The following GGT7 variants were observed in gnomAD, a reference collection of about 807,000 sequenced individuals.
GGT7 encodes glutathione hydrolase 7.
A neutral mutation model predicts 69.2 loss-of-function variants in GGT7; 30 were observed. The ratio of observed to expected loss-of-function variants is 0.43; its 90% CI spans 0.32 to 0.59. The LOEUF is 0.59. Among genes scored for constraint, GGT7 ranks in the 20% least tolerant of loss-of-function variants. The probability of loss-of-function intolerance (pLI) is 0.05; values close to 1 mark genes in which losing one functional copy is unlikely to be tolerated. For synonymous variants in GGT7, 388 were observed against 391.8 expected (o/e 0.99, Z 0.12); for missense variants, 733 against 901.1 (o/e 0.81, Z 2.39).
Position 34,856,885 on chromosome 20 carries a change from G to T in GGT7, c.1023C>A (p.His341Gln). The change falls in exon 8 of 15, where the codon CAC becomes CAA. Residue 341 changes from histidine (H) to glutamine (Q), a missense_variant. Coordinates refer to ENST00000336431, the MANE Select transcript of GGT7 (RefSeq NM_178026.3). ...LTLEMVAEAQHAGGVITEEDF... is the reference protein window; with the variant it reads ...LTLEMVAEAQQAGGVITEEDF... ...CCTCTTCGGTTATGACACCCCCTGCGTGCTGAGCCTGGAGGGAAGAGAATG... is the reference window on the plus strand; with the variant it reads ...CCTCTTCGGTTATGACACCCCCTGCTTGCTGAGCCTGGAGGGAAGAGAATG... 6.2e-7 allele frequency: 1 copy of T among 1,604,282 alleles called. No homozygotes were observed. The highest frequency in any genetic ancestry group is 8.5e-7 in the Non-Finnish European group (1 of 1,171,388).
Position 34,859,633 on chromosome 20 carries a change from G to A in GGT7, c.824C>T (p.Ala275Val). Residue 275 changes from alanine (A) to valine (V), a missense_variant, in exon 7 of 15, where the codon GCC becomes GTC. Physicochemically the swap from Ala to Val is moderately conservative, Grantham distance 64 (BLOSUM62 0). Transcript: ENST00000336431. ...GTTGGGTGGCAGCTGTTCAGCCAGG[G>A]CACGGGCTAGGGGCAGGGACGGGAG... is the stretch of plus-strand genomic sequence containing the variant. ...GFNVTHDLAR[A>V]LAEQLPPNMS... is the part of the protein sequence containing the mutation. The A allele has an allele frequency of 6.3e-7, 1 of 1,594,204 alleles. No individual in the cohort carries two copies. Among genetic ancestry groups the A allele is most frequent in the South Asian group, 1.1e-5 (1 of 88,852 alleles).
intron 14 of GGT7, among the ~76,000 whole-genome samples, chr20:34,846,229 C>G (rs2079302981): frequency 6.6e-6 from 1 of 152,020 alleles, no homozygotes; most frequent in Non-Finnish European, 1.5e-5. Flanking sequence ...CTCCCTGCTT[C>G]CAGCCCTCCC....
At chr20:34,867,093 G>A (rs1378804616) in intron 1 of GGT7, among the ~76,000 whole-genome samples, 3 of 151,912 alleles carry the variant, frequency 2.0e-5, no homozygotes, top group African/African-American at 7.3e-5. Flanking sequence ...TGTTGCTGTT[G>A]CTGTTGTTGT....
chr20:34,846,862 G>C (rs900068377), intron 14 of GGT7, among the ~76,000 whole-genome samples: 1 of 151,940 alleles, frequency 6.6e-6, no homozygotes, highest in African/African-American at 2.4e-5. Context: ...TGACCTCCTT[G>C]CTGTCCCTTT....
At chr20:34,860,537 G>A (rs1048022569) in intron 4 of GGT7, among the ~76,000 whole-genome samples, 8 of 151,866 alleles carry the variant, frequency 5.3e-5, no homozygotes, top group African/African-American at 9.7e-5. Flanking sequence ...TTTAGCTGCC[G>A]TAGTTGGGGG....
chr20:34,850,258 C>A, intron 13 of GGT7, 198 bp from the exon 14 acceptor site: 1 of 757,084 alleles, frequency 1.3e-6, no homozygotes, highest in Non-Finnish European at 2.4e-6. Flanking sequence ...AAGTGAAGTC[C>A]AGCAAGGAAA....
chr20:34,859,607 T>C lies in GGT7; in HGVS notation c.850A>G (p.Met284Val), dbSNP rs747391060. Residue 284 changes from methionine to valine, a missense_variant, in exon 7 of 15, where the codon ATG becomes GTG. Transcript: ENST00000336431. ...AACGTCTCCCGGAAGCGCTCGGACA[T>C]GTTGGGTGGCAGCTGTTCAGCCAGG... ...RALAEQLPPN[M>V]SERFRETFLP... The C allele has an allele frequency of 6.3e-7, 1 of 1,599,810 alleles. No individual in the cohort carries two copies. The highest frequency in any genetic ancestry group is 1.7e-5 in the Admixed American group (1 of 58,444).
At chr20:34,849,143 A>G (rs901803628) in intron 14 of GGT7, among the ~76,000 whole-genome samples, 8 of 149,632 alleles carry the variant, frequency 5.3e-5, no homozygotes, top group Non-Finnish European at 7.4e-5. Context: ...AATTCTTTGT[A>G]TAGTGGGCTC....
Position 34,872,798 on chromosome 20 carries a change from C to G in GGT7, c.18G>C (p.Glu6Asp). 1 of 1,366,346 alleles carries G rather than the reference C, an allele frequency of 7.3e-7. No individual in the cohort carries two copies. The highest frequency in any genetic ancestry group is 1.8e-5 in the South Asian group (1 of 56,812). The allele number at this position is 1,366,346 out of a possible 1,614,324, so 84.6% of individuals were successfully genotyped here. A position where few individuals can be genotyped will look rare whatever the true frequency, so the allele number is the denominator to read the frequency against. Residue 6 changes from glutamate (E) to aspartate (D), a missense_variant, in exon 1 of 15, where the codon GAG (glutamate) becomes GAC (aspartate). Coordinates refer to ENST00000336431, the MANE Select transcript of GGT7 (RefSeq NM_178026.3). MAAEN[E>D]ASQESALGAY... Reference sequence around the variant, plus strand: ...CGCCCAGGGCGCTCTCCTGGCTGGCCTCGTTCTCCGCCGCCATCCTCGCCC... The same window carrying G: ...CGCCCAGGGCGCTCTCCTGGCTGGCGTCGTTCTCCGCCGCCATCCTCGCCC...
intron 10 of GGT7, among the ~76,000 whole-genome samples, chr20:34,853,195 TC>T (rs1908371747): frequency 6.6e-6 from 1 of 152,130 alleles, no homozygotes; most frequent in Admixed American, 6.6e-5. Context: ...TCCACTCACC[TC>T]GGCCTCCCAA....
chr20:34,865,122 C>T (rs2079668208), intron 1 of GGT7, among the ~76,000 whole-genome samples: 1 of 151,530 alleles, frequency 6.6e-6, no homozygotes, highest in Non-Finnish European at 1.5e-5. Flanking sequence ...GCACCCAGCC[C>T]ACTACTAGAG....
intron 13 of GGT7, 183 bp from the exon 14 acceptor site, chr20:34,850,243 A>C (rs764839959): frequency 5.2e-6 from 4 of 762,756 alleles, no homozygotes; most frequent in Non-Finnish European, 7.2e-6. Context: ...TTTCACAGAG[A>C]GGGAAAGTGA....
At chr20:34,846,145 G>A (rs998908597) in intron 14 of GGT7, among the ~76,000 whole-genome samples, 2 of 151,976 alleles carry the variant, frequency 1.3e-5, no homozygotes, top group African/African-American at 4.8e-5. Context: ...GGCTTTGTGG[G>A]TCTTCATCTC....
At chr20:34,846,620 C>G (rs75401510) in intron 14 of GGT7, among the ~76,000 whole-genome samples, 9,045 of 151,956 alleles carry the variant, frequency 0.06, 304 homozygotes, top group East Asian at 0.079. Context: ...CCCTGCCTTT[C>G]TTATAGCCTG....
chr20:34,871,735 A>G (rs942156839), intron 1 of GGT7, among the ~76,000 whole-genome samples: 5 of 152,234 alleles, frequency 3.3e-5, no homozygotes, highest in African/African-American at 1.2e-4. Flanking sequence ...ACTGCGAGGA[A>G]GCGAGAGTGA....
chr20:34,862,768 AG>A (rs1568940544), intron 3 of GGT7, 45 bp downstream of exon 3: 2 of 1,598,804 alleles, frequency 1.3e-6, no homozygotes, highest in Non-Finnish European at 1.7e-6. Context: ...ACAGACCTGG[AG>A]GCAAGAAGTA....
At chr20:34,864,590 G>C (rs1239197276) in intron 1 of GGT7, among the ~76,000 whole-genome samples, 1 of 151,902 alleles carries the variant, frequency 6.6e-6, no homozygotes, top group Non-Finnish European at 1.5e-5. Flanking sequence ...GCATGGTGAT[G>C]TGTGCCTCTA....
Position 34,845,164 on chromosome 20 carries a change from G to A in GGT7, c.*164C>T, listed in dbSNP as rs2079281702. 1 of 332,130 alleles carries A rather than the reference G, an allele frequency of 3.0e-6. No individual in the cohort carries two copies. The highest frequency in any genetic ancestry group is 2.4e-5 in the African/African-American group (1 of 41,292). 20.6% of individuals were successfully genotyped at this position (332,130 alleles called of 1,614,324 possible). ...CCACCACCACCACCACAGGCCTCCTGATGGAGAATTTTCCAGTTACTCTGG... is the reference window on the plus strand; with the variant it reads ...CCACCACCACCACCACAGGCCTCCTAATGGAGAATTTTCCAGTTACTCTGG... On this transcript the variant is annotated 3_prime_UTR_variant, in exon 15 of 15. Coordinates refer to ENST00000336431, the MANE Select transcript of GGT7 (RefSeq NM_178026.3).
In GGT7 at chr20:34,852,335, C is replaced by T. The variant is rs1167992994; in HGVS notation, c.1469+54G>A. ...TCCTCACCTCTACCCAGCCCCCACCCCCTCTTGGTTCAGAGGATCCCTTGT... is the reference window on the plus strand; with the variant it reads ...TCCTCACCTCTACCCAGCCCCCACCTCCTCTTGGTTCAGAGGATCCCTTGT... On this transcript the variant is annotated intron_variant, in intron 11 of 14. Coordinates refer to ENST00000336431, the MANE Select transcript of GGT7 (RefSeq NM_178026.3). The T allele has an allele frequency of 1.9e-6, 3 of 1,608,522 alleles. No individual in the cohort carries two copies. The African/African-American group carries it at 4.0e-5, about 21-fold the overall frequency.
Sources: gnomAD v4.1 joint callset for allele counts (sites outside exome capture counted in the v4.1 genomes callset) on GRCh38, gnomAD v4.1.1 for gene constraint, MANE v1.5 for transcripts, NCBI Gene and HGNC (gene_info 2026-07-23, HGNC 2026-07-21) for gene names.